UGGT2: variants seen among roughly 807,000 people sequenced by gnomAD.
UGGT2 encodes the protein UDP-glucose glycoprotein glucosyltransferase 2.
In UGGT2, 180 loss-of-function variants were observed where a neutral mutation model predicts 192.1. The observed-to-expected ratio is 0.94, with a 90% CI of 0.83 to 1.06. The LOEUF is 1.06. Among genes scored for constraint, UGGT2 ranks in the 50% least tolerant of loss-of-function variants. UGGT2 has a pLI of 0.00. For synonymous variants in UGGT2, 580 were observed against 591.0 expected (o/e 0.98, Z 0.27); for missense variants, 1,849 against 1,795.7 (o/e 1.03, Z -0.54).
intron 36 of UGGT2, among the ~76,000 whole-genome samples, chr13:95,838,285 G>A (rs1193830602): frequency 6.6e-6 from 1 of 152,112 alleles, no homozygotes; most frequent in African/African-American, 2.4e-5. Context: ...ACAAAATTCT[G>A]AGGAAAGAAA....
At chr13:95,917,075 C>G (rs2048703347) in intron 20 of UGGT2, among the ~76,000 whole-genome samples, 1 of 152,050 alleles carries the variant, frequency 6.6e-6, no homozygotes. Context: ...ATGAAAAGAT[C>G]AACCACAAGA....
At chr13:95,840,499 T>C (rs1887752808) in intron 36 of UGGT2, among the ~76,000 whole-genome samples, 1 of 152,098 alleles carries the variant, frequency 6.6e-6, no homozygotes. Context: ...TGAGTGGTTT[T>C]GATACCATCT....
At chr13:95,816,412 C>A (rs1233621258) in intron 38 of UGGT2, among the ~76,000 whole-genome samples, 1 of 152,160 alleles carries the variant, frequency 6.6e-6, no homozygotes, top group Non-Finnish European at 1.5e-5. Context: ...CACCCCCATA[C>A]TACTAGGTAT....
Position 95,867,347 on chromosome 13 carries a change from T to G in UGGT2, c.3550A>C (p.Lys1184Gln), listed in dbSNP as rs756754997. ...VLNSFKSKILKVKVKKETDKI... is the reference protein window; with the variant it reads ...VLNSFKSKILQVKVKKETDKI... The stretch of plus-strand genomic sequence containing the variant: ...GTTCTGCCCCCACATACTTTTACTT[T>G]GAGTATCTTGCTTTTGAAGCTGTTT... Residue 1184 changes from lysine to glutamine, a missense_variant, in exon 30 of 39, where the codon AAA (lysine) becomes CAA (glutamine). By Grantham distance (53) the Lys-to-Gln change is moderately conservative. Transcript: ENST00000376747. The G allele has an allele frequency of 8.1e-6, 13 of 1,607,058 alleles. No individual in the cohort carries two copies. The East Asian group carries it at 2.7e-4, about 33-fold the overall frequency.
At chr13:96,008,086 G>A (rs1164069451) in intron 5 of UGGT2, among the ~76,000 whole-genome samples, 1 of 152,156 alleles carries the variant, frequency 6.6e-6, no homozygotes, top group African/African-American at 2.4e-5. Context: ...GAAACGACTA[G>A]AGGAAAATAT....
intron 38 of UGGT2, among the ~76,000 whole-genome samples, chr13:95,804,375 A>G (rs1189054149): frequency 1.3e-5 from 2 of 152,206 alleles, no homozygotes; most frequent in Non-Finnish European, 2.9e-5. Flanking sequence ...AGATGTCTAT[A>G]CTACCCAAAG....
chr13:96,033,852 C>T (rs1433894589), intron 1 of UGGT2, among the ~76,000 whole-genome samples: 1 of 152,162 alleles, frequency 6.6e-6, no homozygotes, highest in Non-Finnish European at 1.5e-5. Flanking sequence ...AAAGGTGCCC[C>T]ATGACGCGAA....
At chr13:95,949,593 A>G in intron 12 of UGGT2, 139 bp from the exon 13 acceptor site, 3 of 853,982 alleles carry the variant, frequency 3.5e-6, no homozygotes, top group Non-Finnish European at 3.2e-6. Flanking sequence ...AGCTAGTTTA[A>G]TATTCTCTAA....
At chr13:95,989,288 T>C (rs1205239764) in intron 8 of UGGT2, among the ~76,000 whole-genome samples, 2 of 152,148 alleles carry the variant, frequency 1.3e-5, no homozygotes, top group Non-Finnish European at 2.9e-5. Context: ...TCATCTGAGA[T>C]ATAAAAGCTT....
chr13:95,939,759 A>G (rs1213716130), intron 16 of UGGT2, among the ~76,000 whole-genome samples, 198 bp downstream of exon 16: 3 of 152,096 alleles, frequency 2.0e-5, no homozygotes, highest in Non-Finnish European at 4.4e-5. Flanking sequence ...TCTTGAACTT[A>G]TTTCTCTAGT....
intron 22 of UGGT2, among the ~76,000 whole-genome samples, chr13:95,896,456 CAA>C (rs1406625109): frequency 2.0e-4 from 31 of 152,028 alleles, no homozygotes; most frequent in Admixed American, 2.0e-3. Context: ...ATTTTTAAAG[CAA>C]CTTTGAAAGC....
chr13:95,885,819 G>GTA (rs1392467921), intron 26 of UGGT2, among the ~76,000 whole-genome samples: 3 of 152,168 alleles, frequency 2.0e-5, no homozygotes, highest in Admixed American at 2.0e-4. Flanking sequence ...TTGTGATTTG[G>GTA]TAAATACAAT....
intron 12 of UGGT2, among the ~76,000 whole-genome samples, chr13:95,954,923 A>T (rs1264126584): frequency 1.3e-5 from 2 of 152,178 alleles, no homozygotes; most frequent in Non-Finnish European, 2.9e-5. Context: ...AAAATCCAAA[A>T]AACTGAAATC....
chr13:95,868,936 C>T (rs920975662), intron 29 of UGGT2, among the ~76,000 whole-genome samples: 1 of 151,668 alleles, frequency 6.6e-6, no homozygotes, highest in Non-Finnish European at 1.5e-5. Context: ...GCACAATGTG[C>T]AGGTTTGTTA....
chr13:95,902,634 A>G (rs897743935), intron 21 of UGGT2, among the ~76,000 whole-genome samples: 3 of 152,116 alleles, frequency 2.0e-5, no homozygotes, highest in African/African-American at 7.2e-5. Flanking sequence ...AACTTTAAGA[A>G]TCATGAAGTA....
chr13:95,979,166 T>A (rs2051035156), intron 10 of UGGT2, among the ~76,000 whole-genome samples: 1 of 152,184 alleles, frequency 6.6e-6, no homozygotes, highest in South Asian at 2.1e-4. Context: ...CAAAGACGTA[T>A]GTTGGGTTGA....
At chr13:95,894,327 T>C (rs1204079761) in intron 24 of UGGT2, among the ~76,000 whole-genome samples, 19 of 152,126 alleles carry the variant, frequency 1.2e-4, no homozygotes, top group Non-Finnish European at 2.8e-4. Flanking sequence ...ATATGACAAA[T>C]TATAACATGT....
chr13:95,804,068 T>C (rs1445344055), intron 38 of UGGT2, among the ~76,000 whole-genome samples: 2 of 152,020 alleles, frequency 1.3e-5, no homozygotes, highest in Admixed American at 6.6e-5. Flanking sequence ...TAAGAAGTGA[T>C]TACCCCTCTA....
intron 20 of UGGT2, among the ~76,000 whole-genome samples, chr13:95,907,931 T>C (rs1411261031): frequency 6.6e-6 from 1 of 152,196 alleles, no homozygotes; most frequent in Admixed American, 6.5e-5. Context: ...TTCAGAAGGT[T>C]GGTAATAACA....
Sources: allele counts gnomAD v4.1 joint callset (sites outside exome capture counted in the v4.1 genomes callset), GRCh38; gene constraint gnomAD v4.1.1; transcripts MANE v1.5; gene names NCBI Gene and HGNC (gene_info 2026-07-23, HGNC 2026-07-21).